The following NEXMIF variants were observed in gnomAD, a reference collection of about 807,000 sequenced individuals.
The protein encoded by NEXMIF is XLMR protein related to neurite extension.
NEXMIF carries 8 observed loss-of-function variants against 62.1 expected under a neutral mutation model. The observed-to-expected ratio is 0.13, with a 90% CI of 0.08 to 0.23. The LOEUF is 0.23. Ranked by LOEUF, NEXMIF falls within the 10% of genes least tolerant of loss-of-function variation. NEXMIF has a pLI of 1.00. For missense variants in NEXMIF, 976 were observed against 1,113.3 expected (o/e 0.88, Z 1.75); for synonymous variants, 404 against 416.6 (o/e 0.97, Z 0.37).
chrX:74,884,856 C>CCA (rs983093866), intron 1 of NEXMIF, among the ~76,000 whole-genome samples: 1 of 111,697 alleles, frequency 9.0e-6, no homozygotes. Context: ...CTTTTCAGCA[C>CCA]CACACCACAC....
intron 1 of NEXMIF, among the ~76,000 whole-genome samples, chrX:74,781,937 G>C (rs2080248582): frequency 8.9e-6 from 1 of 112,469 alleles, no homozygotes; most frequent in Non-Finnish European, 1.9e-5. Context: ...ATATTCTGGA[G>C]GACAAGACAG....
In NEXMIF at chrX:74,792,342, G is replaced by T. The variant is rs1440834802; in HGVS notation, c.-47-46645C>A. Among the ~76,000 whole-genome samples, 7 of 105,845 alleles carry T rather than the reference G, an allele frequency of 6.6e-5. No homozygotes were observed. In the South Asian group the frequency reaches 3.1e-3, roughly 47 times the overall value. 91.9% of individuals were successfully genotyped at this position (105,845 alleles called of 115,157 possible). A position where few individuals can be genotyped will look rare whatever the true frequency, so the allele number is the denominator to read the frequency against. The stretch of plus-strand genomic sequence containing the variant: ...TGATTGCACTGTGGTCTGAGAGATA[G>T]TTTGTTATAATTTCTGTTCTTTTAC... On this transcript the variant is annotated intron_variant, in intron 1 of 3. Transcript: ENST00000055682.
chrX:74,917,932 G>T (rs2080813547), intron 1 of NEXMIF, among the ~76,000 whole-genome samples: 3 of 111,705 alleles, frequency 2.7e-5, no homozygotes, highest in Non-Finnish European at 5.6e-5. Context: ...GACGTTTTTG[G>T]TGAGAATGGT....
intron 1 of NEXMIF, among the ~76,000 whole-genome samples, chrX:74,843,560 G>A (rs1053710248): frequency 3.6e-5 from 4 of 110,327 alleles, no homozygotes; most frequent in Admixed American, 9.6e-5. Flanking sequence ...GACTACAGGC[G>A]CCTGCCAACA....
In NEXMIF at chrX:74,886,405, G is replaced by A. The variant is rs908326622; in HGVS notation, c.-48+38478C>T. On this transcript the variant is annotated intron_variant, in intron 1 of 3. Coordinates refer to ENST00000055682, the MANE Select transcript of NEXMIF (RefSeq NM_001008537.3). ...GATTGCATATCTGGAAAACCCCATCGTCTCAGCCCAAAATCTCCTCAAGCT... is the reference window on the plus strand; with the variant it reads ...GATTGCATATCTGGAAAACCCCATCATCTCAGCCCAAAATCTCCTCAAGCT... 2.7e-4 allele frequency among the ~76,000 whole-genome samples: 30 copies of A among 111,669 alleles called. 4 individuals carry two copies. The highest frequency in any genetic ancestry group is 2.5e-3 in the Admixed American group (26 of 10,512).
chrX:74,743,660 A>G lies in NEXMIF; in HGVS notation c.897T>C (p.Asp299=). 8.3e-7 allele frequency: 1 copy of G among 1,210,328 alleles called. No homozygotes were observed. Among genetic ancestry groups the G allele is most frequent in the African/African-American group, 1.7e-5 (1 of 57,829 alleles). The change falls in exon 3 of 4, where the codon GAT becomes GAC. Residue 299 remains aspartate (D), a synonymous_variant. Coordinates refer to ENST00000055682, the MANE Select transcript of NEXMIF (RefSeq NM_001008537.3). ...AGACATCACTGCCTAGTGTTGATTC[A>G]TCATCATCAAACATGTAGTTATCCA... is the stretch of plus-strand genomic sequence containing the variant. The part of the protein sequence containing the change: ...EDVDNYMFDD[D]ESTLGSDVCS...
At chrX:74,787,104 C>CAAAAAAAAAAAAAAAA (rs766388500) in intron 1 of NEXMIF, among the ~76,000 whole-genome samples, 1 of 31,761 alleles carries the variant, frequency 3.1e-5, no homozygotes, top group Non-Finnish European at 6.2e-5. Context: ...ACCAAAAATA[C>CAAAAAAAAAAAAAAAA]AAAAAAAAAA....
intron 1 of NEXMIF, among the ~76,000 whole-genome samples, chrX:74,791,036 G>A (rs1437821808): frequency 2.7e-5 from 3 of 110,533 alleles, no homozygotes; most frequent in Admixed American, 9.6e-5. Context: ...GGTGAGAGAC[G>A]GCATCCCTGT....
intron 1 of NEXMIF, among the ~76,000 whole-genome samples, chrX:74,833,718 C>T (rs1602243854): frequency 1.8e-5 from 2 of 110,943 alleles, no homozygotes; most frequent in Admixed American, 1.9e-4. Flanking sequence ...AATTGTTTGC[C>T]TTTTATTTTG....
At chrX:74,829,834 C>T (rs73625829) in intron 1 of NEXMIF, among the ~76,000 whole-genome samples, 6,104 of 111,415 alleles carry the variant, frequency 0.055, 201 homozygotes, top group African/African-American at 0.12. Context: ...TTCCTGTTTG[C>T]CATTTATATT....
intron 1 of NEXMIF, among the ~76,000 whole-genome samples, chrX:74,881,027 G>T (rs1319543278): frequency 9.0e-6 from 1 of 111,608 alleles, no homozygotes; most frequent in African/African-American, 3.3e-5. Flanking sequence ...AACCCCAAAA[G>T]CACTTCTGCA....
Position 74,743,057 on chromosome X carries a change from C to A in NEXMIF, c.1500G>T (p.Glu500Asp). ...EDYLYDVDSL[E>D]GEKVNERKEW... is the part of the protein sequence containing the mutation. Reference sequence around the variant, plus strand: ...CCTTCCTCTCATTTACTTTTTCACCCTCTAGTGAGTCAACATCATATAGAT... The same window carrying A: ...CCTTCCTCTCATTTACTTTTTCACCATCTAGTGAGTCAACATCATATAGAT... Residue 500 changes from glutamate (E) to aspartate (D), a missense_variant, in exon 3 of 4, where the codon GAG (glutamate) becomes GAT (aspartate). Coordinates refer to ENST00000055682, the MANE Select transcript of NEXMIF (RefSeq NM_001008537.3). 8.3e-7 allele frequency: 1 copy of A among 1,210,081 alleles called. No homozygotes were observed. The highest frequency in any genetic ancestry group is 1.1e-6 in the Non-Finnish European group (1 of 894,392).
At chrX:74,878,553 C>T (rs762829314) in intron 1 of NEXMIF, among the ~76,000 whole-genome samples, 4 of 112,779 alleles carry the variant, frequency 3.5e-5, no homozygotes, top group Non-Finnish European at 7.5e-5. Context: ...TTTACCTAAG[C>T]AAGCCTGGGC....
chrX:74,737,258 C>G lies in NEXMIF; in HGVS notation c.*2147G>C, dbSNP rs1345286691. 1 of 111,002 alleles carries G rather than the reference C, an allele frequency of 9.0e-6. No homozygotes were observed. Among genetic ancestry groups the G allele is most frequent in the Non-Finnish European group, 1.9e-5 (1 of 52,952 alleles). The allele number at this position is 111,002 out of a possible 1,213,427, so 9.1% of individuals were successfully genotyped here. A position where few individuals can be genotyped will look rare whatever the true frequency, so the allele number is the denominator to read the frequency against. ...AGCTGCAAAACAGAAAAATCAAAAACAAAAACAAAAACAAAACAAAGACCA... is the reference window on the plus strand; with the variant it reads ...AGCTGCAAAACAGAAAAATCAAAAAGAAAAACAAAAACAAAACAAAGACCA... On this transcript the variant is annotated 3_prime_UTR_variant, in exon 4 of 4. Coordinates refer to ENST00000055682, the MANE Select transcript of NEXMIF (RefSeq NM_001008537.3).
chrX:74,866,121 G>A (rs530269974), intron 1 of NEXMIF, among the ~76,000 whole-genome samples: 38 of 111,800 alleles, frequency 3.4e-4, no homozygotes, highest in Admixed American at 1.1e-3. Flanking sequence ...AAAGCTAATC[G>A]GTGAAAGCAG....
chrX:74,825,565 C>CT (rs1173924424), intron 1 of NEXMIF, among the ~76,000 whole-genome samples: 4 of 111,757 alleles, frequency 3.6e-5, no homozygotes, highest in Admixed American at 1.9e-4. Context: ...TGATCTTGTT[C>CT]TTTTTTTTGA....
intron 1 of NEXMIF, among the ~76,000 whole-genome samples, chrX:74,861,753 T>C (rs779441639): frequency 2.7e-5 from 3 of 111,553 alleles, no homozygotes; most frequent in South Asian, 7.6e-4. Context: ...CTAAGCTTCA[T>C]AAGTGAAGAA....
rs1447729038 is a variant in NEXMIF at position 74,735,017 on chromosome X, G to A, written c.*4388C>T. The A allele has an allele frequency of 4.5e-5, 5 of 111,698 alleles. No individual in the cohort carries two copies. Among genetic ancestry groups the A allele is most frequent in the Non-Finnish European group, 7.5e-5 (4 of 53,064 alleles). 9.2% of individuals were successfully genotyped at this position (111,698 alleles called of 1,213,427 possible). On this transcript the variant is annotated 3_prime_UTR_variant, in exon 4 of 4. Transcript: ENST00000055682. Reference sequence around the variant, plus strand: ...CATTGTGTTGACAAGATTCCTGTTTGTTACTAAAAGTTTGATTTTGGTACT... The same window carrying A: ...CATTGTGTTGACAAGATTCCTGTTTATTACTAAAAGTTTGATTTTGGTACT...
At chrX:74,909,850 C>T (rs1049699707) in intron 1 of NEXMIF, among the ~76,000 whole-genome samples, 2 of 112,176 alleles carry the variant, frequency 1.8e-5, no homozygotes, top group Non-Finnish European at 3.8e-5. Context: ...ACAGCTCGGC[C>T]CATGGTTTCA....
Sources: allele counts gnomAD v4.1 joint callset (sites outside exome capture counted in the v4.1 genomes callset), GRCh38; gene constraint gnomAD v4.1.1; transcripts MANE v1.5; gene names NCBI Gene and HGNC (gene_info 2026-07-23, HGNC 2026-07-21).